The following PATE4 variants were observed in gnomAD, a reference collection of about 807,000 sequenced individuals.
PATE4 encodes the protein prostate and testis expressed 4.
PATE4 carries 13 observed loss-of-function variants against 8.5 expected under a neutral mutation model. The ratio of observed to expected loss-of-function variants is 1.53; its 90% CI spans 1.00 to 2.43. The LOEUF (loss-of-function observed/expected upper bound fraction) is 2.43. PATE4 is among the 30% of genes most tolerant of loss of function. PATE4 has a pLI of 0.00. For synonymous variants in PATE4, 47 were observed against 39.3 expected (o/e 1.20, Z -0.73); for missense variants, 127 against 115.5 (o/e 1.10, Z -0.46).
intron 1 of PATE4, chr11:125,835,405 C>G (rs2134200330): frequency 6.6e-6 from 1 of 152,294 alleles, no homozygotes; most frequent in Admixed American, 6.5e-5. Flanking sequence ...ATACATTCCC[C>G]TGGATCTGAT....
rs1943936866 is a variant in PATE4, at chr11:125,838,457, T to C, written c.*30T>C. On this transcript the variant is annotated 3_prime_UTR_variant, in exon 3 of 3. Transcript: ENST00000457514. Reference sequence around the variant, plus strand: ...GCTTAGGAACTTGCAGAGGATCATCTGATCAAGATCCAGAATCAAGACCAA... The same window carrying C: ...GCTTAGGAACTTGCAGAGGATCATCCGATCAAGATCCAGAATCAAGACCAA... The C allele has an allele frequency of 6.6e-7, 1 of 1,523,022 alleles. No individual in the cohort carries two copies. The allele number at this position is 1,523,022 out of a possible 1,614,324, so 94.3% of individuals were successfully genotyped here.
chr11:125,838,176 T>A lies in PATE4; in HGVS notation c.176-130T>A, dbSNP rs568773653. ...TATCCAGAGCCAGTTACGGTGGCGA[T>A]TGGGAACATGAACCCAGGAGCCGGG... On this transcript the variant is annotated intron_variant, in intron 2 of 2. Transcript: ENST00000457514. 5.4e-5 allele frequency: 63 copies of A among 1,159,166 alleles called. No homozygotes were observed. In the East Asian group the frequency reaches 1.5e-3, roughly 28 times the overall value. The allele number at this position is 1,159,166 out of a possible 1,614,324, so 71.8% of individuals were successfully genotyped here. A position where few individuals can be genotyped will look rare whatever the true frequency, so the allele number is the denominator to read the frequency against.
In PATE4 at chr11:125,838,299, T is replaced by C; in HGVS notation, c.176-7T>C. ...CCAGCATTTATAACAGGCTTCTTCATTTTCAGGAGACAAACATATGTACTC... is the reference window on the plus strand; with the variant it reads ...CCAGCATTTATAACAGGCTTCTTCACTTTCAGGAGACAAACATATGTACTC... On this transcript the variant is annotated splice_polypyrimidine_tract_variant and splice_region_variant and intron_variant, in intron 2 of 2. Coordinates refer to ENST00000457514, the MANE Select transcript of PATE4 (RefSeq NM_001144874.1). 1 of 1,534,694 alleles carries C rather than the reference T, an allele frequency of 6.5e-7. No homozygotes were observed. The highest frequency in any genetic ancestry group is 2.2e-5 in the Admixed American group (1 of 45,862).
intron 1 of PATE4, among the ~76,000 whole-genome samples, 192 bp downstream of exon 1, chr11:125,833,609 A>G (rs1943901918): frequency 6.6e-6 from 1 of 152,190 alleles, no homozygotes; most frequent in South Asian, 2.1e-4. Flanking sequence ...GCAGGGAAAC[A>G]GGACAATTTT....
intron 1 of PATE4, among the ~76,000 whole-genome samples, chr11:125,836,319 C>T (rs910720664): frequency 3.3e-5 from 5 of 152,080 alleles, no homozygotes; most frequent in Admixed American, 3.3e-4. Flanking sequence ...AGATCACTTC[C>T]TTGCTTAAAA....
intron 1 of PATE4, among the ~76,000 whole-genome samples, chr11:125,834,440 A>G (rs1301687146): frequency 2.0e-5 from 3 of 152,222 alleles, no homozygotes; most frequent in African/African-American, 4.8e-5. Flanking sequence ...AAAGTGCTCA[A>G]TCTCACTCAT....
At chr11:125,837,298 T>A (rs1943927472) in intron 1 of PATE4, among the ~76,000 whole-genome samples, 1 of 152,172 alleles carries the variant, frequency 6.6e-6, no homozygotes, top group Non-Finnish European at 1.5e-5. Context: ...TTGCAGTTAT[T>A]CCCTGAAAAA....
chr11:125,838,056 G>T (rs1943932987), intron 2 of PATE4, 72 bp downstream of exon 2: 3 of 1,227,770 alleles, frequency 2.4e-6, no homozygotes, highest in Non-Finnish European at 3.5e-6. Context: ...CTGGAATAAA[G>T]AACTCGATAT....
intron 1 of PATE4, chr11:125,835,700 A>G (rs1329658492): frequency 1.3e-5 from 2 of 152,184 alleles, no homozygotes; most frequent in African/African-American, 4.8e-5. Context: ...AGCTTTCATT[A>G]AATACAAAGT....
rs79690393 is a variant in PATE4 at position 125,833,833 on chromosome 11, T to A, written c.58+416T>A. 3.5e-4 allele frequency among the ~76,000 whole-genome samples: 54 copies of A among 152,320 alleles called. No individual in the cohort carries two copies. The East Asian group carries it at 0.01, about 28-fold the overall frequency. On this transcript the variant is annotated intron_variant, in intron 1 of 2. Transcript: ENST00000457514. The stretch of plus-strand genomic sequence containing the variant: ...TATACTATCCACTCAGACCCTCCTC[T>A]ATATCAACTTACCCACTTCCATGGC...
Position 125,837,920 on chromosome 11 carries a change from G to A in PATE4, c.111G>A (p.Met37Ile). The A allele has an allele frequency of 6.4e-7, 1 of 1,551,618 alleles. No individual in the cohort carries two copies. The change falls in exon 2 of 3, where the codon ATG becomes ATA. Residue 37 changes from methionine (M) to isoleucine (I), a missense_variant. Transcript: ENST00000457514. ...TATACACAGAAGGATGGAAGTGTAT[G>A]GCAGGCCGAGGCACTTGCATTGCAA... ...TCIYTEGWKC[M>I]AGRGTCIAKE...
chr11:125,840,014 T>C lies in PATE4; in HGVS notation c.*1587T>C, dbSNP rs1943950288. 6.6e-6 allele frequency: 1 copy of C among 152,212 alleles called. No homozygotes were observed. The highest frequency in any genetic ancestry group is 2.1e-4 in the South Asian group (1 of 4,832). 9.4% of individuals were successfully genotyped at this position (152,212 alleles called of 1,614,324 possible). A position where few individuals can be genotyped will look rare whatever the true frequency, so the allele number is the denominator to read the frequency against. On this transcript the variant is annotated 3_prime_UTR_variant, in exon 3 of 3. Coordinates refer to ENST00000457514, the MANE Select transcript of PATE4 (RefSeq NM_001144874.1). The stretch of plus-strand genomic sequence containing the variant: ...GTTTTTATATTCAGTCTTTAACCTA[T>C]GTGAAGCCACCTTTGTAATACTGCC...
At chr11:125,835,711 C>T (rs1046000201) in intron 1 of PATE4, 3 of 152,090 alleles carry the variant, frequency 2.0e-5, no homozygotes, top group African/African-American at 7.2e-5. Context: ...AATACAAAGT[C>T]CAAGAGATTG....
chr11:125,835,959 C>T (rs765466062), intron 1 of PATE4: 8 of 151,928 alleles, frequency 5.3e-5, no homozygotes, highest in South Asian at 2.1e-4. Flanking sequence ...TCTGTGCATA[C>T]GTGTGTGTGG....
intron 1 of PATE4, chr11:125,835,107 A>G (rs563326825): frequency 6.6e-6 from 1 of 152,308 alleles, no homozygotes; most frequent in African/African-American, 2.4e-5. Context: ...CTATTTTTAA[A>G]TAATGCATTT....
intron 1 of PATE4, among the ~76,000 whole-genome samples, chr11:125,837,043 C>T (rs4937055): frequency 0.52 from 79,704 of 152,032 alleles, 21,262 homozygotes; most frequent in Non-Finnish European, 0.58. Context: ...GCCACAAGAC[C>T]ATTCCCAAAA....
rs1481750702 is a variant in PATE4, at chr11:125,839,905, C to A, written c.*1478C>A. 4 of 152,322 alleles carry A rather than the reference C, an allele frequency of 2.6e-5. No individual in the cohort carries two copies. In the East Asian group the frequency reaches 7.7e-4, roughly 29 times the overall value. 9.4% of individuals were successfully genotyped at this position (152,322 alleles called of 1,614,324 possible). Reference sequence around the variant, plus strand: ...TTCTTAAAACTCTCCTCTCTAGCTCCTATGACTGTACATTTGTAGTTCTCC... The same window carrying A: ...TTCTTAAAACTCTCCTCTCTAGCTCATATGACTGTACATTTGTAGTTCTCC... On this transcript the variant is annotated 3_prime_UTR_variant, in exon 3 of 3. Transcript: ENST00000457514.
intron 1 of PATE4, chr11:125,835,428 A>G (rs536503421): frequency 9.2e-5 from 14 of 152,342 alleles, no homozygotes; most frequent in African/African-American, 3.4e-4. Context: ...GGGCCATGCC[A>G]TATCAAGCAA....
chr11:125,837,172 C>T (rs906419171), intron 1 of PATE4, among the ~76,000 whole-genome samples: 3 of 152,180 alleles, frequency 2.0e-5, no homozygotes, highest in African/African-American at 2.4e-5. Flanking sequence ...ATCACCATCA[C>T]TTAGTCCTTA....
Sources: allele counts gnomAD v4.1 joint callset (sites outside exome capture counted in the v4.1 genomes callset), GRCh38; gene constraint gnomAD v4.1.1; transcripts MANE v1.5; gene names NCBI Gene and HGNC (gene_info 2026-07-23, HGNC 2026-07-21).